Variants in SGCZ observed in about 807,000 individuals in gnomAD.
SGCZ encodes sarcoglycan zeta, also known as zeta-sarcoglycan.
A neutral mutation model predicts 41.3 loss-of-function variants in SGCZ; 40 were observed. The observed-to-expected ratio is 0.97, with a 90% CI of 0.75 to 1.26. The LOEUF (loss-of-function observed/expected upper bound fraction) is 1.26, where lower values mean the gene tolerates loss of function less well. Among genes scored for constraint, SGCZ ranks in the 50% most tolerant of loss-of-function variants. The pLI, the probability that SGCZ is intolerant of heterozygous loss-of-function variation, is 0.00. For missense variants in SGCZ, 552 were observed against 369.8 expected (o/e 1.49, Z -4.04); for synonymous variants, 206 against 137.5 (o/e 1.50, Z -3.49).
chr8:14,126,569 C>T (rs1305664852), intron 5 of SGCZ, among the ~76,000 whole-genome samples: 1 of 152,204 alleles, frequency 6.6e-6, no homozygotes, highest in Non-Finnish European at 1.5e-5. Flanking sequence ...TTGTGGCAGA[C>T]AGTGTAGCAT....
chr8:15,157,246 C>T (rs778352420), intron 1 of SGCZ, among the ~76,000 whole-genome samples: 34 of 151,482 alleles, frequency 2.2e-4, no homozygotes, highest in Non-Finnish European at 3.4e-4. Context: ...ATAAAAGTAG[C>T]GCATGGCTAG....
intron 1 of SGCZ, among the ~76,000 whole-genome samples, chr8:14,658,492 C>T (rs1466573164): frequency 6.6e-6 from 1 of 151,916 alleles, no homozygotes; most frequent in African/African-American, 2.4e-5. Context: ...ATAAGATGCG[C>T]AGCCTCCAAG....
At chr8:14,280,926 C>G (rs1585314979) in intron 3 of SGCZ, among the ~76,000 whole-genome samples, 2 of 129,704 alleles carry the variant, frequency 1.5e-5, no homozygotes, top group East Asian at 4.5e-4. Flanking sequence ...GGTCATCAAA[C>G]TACCGGGTGA....
chr8:14,638,411 T>C (rs1383158300), intron 1 of SGCZ, among the ~76,000 whole-genome samples: 1 of 151,882 alleles, frequency 6.6e-6, no homozygotes, highest in Non-Finnish European at 1.5e-5. Flanking sequence ...TCTCAATGTC[T>C]CCCAGTATAA....
At chr8:14,174,379 C>A (rs4551355) in intron 4 of SGCZ, among the ~76,000 whole-genome samples, 151,411 of 152,256 alleles carry the variant, frequency 0.99, 75,293 homozygotes, top group East Asian at 1. Context: ...AAACAATTTT[C>A]TGGAGAAGAA....
rs1004389846 is a variant in SGCZ at position 15,030,535 on chromosome 8, G to A, written c.39+207050C>T. 1.6e-4 allele frequency among the ~76,000 whole-genome samples: 25 copies of A among 152,216 alleles called. 1 individual carries two copies. The highest frequency in any genetic ancestry group is 1.3e-3 in the Admixed American group (20 of 15,292). ...TTCAAAGGACTTAGAGGATGTGGAAGAAACCATGAGAAGAGCTGTAAATGC... is the reference window on the plus strand; with the variant it reads ...TTCAAAGGACTTAGAGGATGTGGAAAAAACCATGAGAAGAGCTGTAAATGC... On this transcript the variant is annotated intron_variant, in intron 1 of 7. Transcript: ENST00000382080.
chr8:14,807,234 A>G (rs912559491), intron 1 of SGCZ, among the ~76,000 whole-genome samples: 2 of 152,116 alleles, frequency 1.3e-5, no homozygotes, highest in African/African-American at 4.8e-5. Flanking sequence ...GGCCAGGGCA[A>G]TTAGGCAGGA....
intron 2 of SGCZ, among the ~76,000 whole-genome samples, chr8:14,533,840 A>C (rs1803212043): frequency 6.6e-6 from 1 of 152,060 alleles, no homozygotes; most frequent in Admixed American, 6.6e-5. Flanking sequence ...TTTCTGGGTA[A>C]GATAGGGTTA....
intron 1 of SGCZ, among the ~76,000 whole-genome samples, chr8:15,112,449 A>T (rs1198233428): frequency 1.3e-5 from 2 of 152,206 alleles, no homozygotes; most frequent in African/African-American, 4.8e-5. Context: ...AATAGCTTTG[A>T]TCTTATGCTT....
intron 1 of SGCZ, among the ~76,000 whole-genome samples, chr8:15,125,639 A>T (rs941974375): frequency 2.6e-5 from 4 of 152,142 alleles, no homozygotes; most frequent in African/African-American, 9.7e-5. Flanking sequence ...AATATATCTC[A>T]ATGATTAGAT....
At chr8:14,646,353 G>A (rs1332918251) in intron 1 of SGCZ, among the ~76,000 whole-genome samples, 4 of 151,556 alleles carry the variant, frequency 2.6e-5, no homozygotes, top group Non-Finnish European at 5.9e-5. Flanking sequence ...GACTCCAGCT[G>A]CATCCATGTT....
intron 2 of SGCZ, among the ~76,000 whole-genome samples, chr8:14,342,465 G>T (rs570991187): frequency 6.6e-6 from 1 of 151,978 alleles, no homozygotes; most frequent in Non-Finnish European, 1.5e-5. Context: ...ACAGGTGCCC[G>T]CCATCACGCC....
At chr8:15,236,190 A>G (rs1418231970) in intron 1 of SGCZ, among the ~76,000 whole-genome samples, 1 of 152,152 alleles carries the variant, frequency 6.6e-6, no homozygotes. Flanking sequence ...CCTGGACTGC[A>G]TCTACAGTCA....
intron 1 of SGCZ, among the ~76,000 whole-genome samples, chr8:15,139,238 C>T (rs1808229635): frequency 6.6e-6 from 1 of 152,196 alleles, no homozygotes; most frequent in Non-Finnish European, 1.5e-5. Context: ...ATCCTCAGTG[C>T]TTCCAAAATT....
chr8:15,186,589 T>C (rs540978952), intron 1 of SGCZ, among the ~76,000 whole-genome samples: 49 of 152,308 alleles, frequency 3.2e-4, no homozygotes, highest in African/African-American at 1.1e-3. Context: ...TTGATTCCCA[T>C]ATCATAATTT....
At chr8:14,602,075 G>T (rs913526092) in intron 1 of SGCZ, among the ~76,000 whole-genome samples, 9 of 152,102 alleles carry the variant, frequency 5.9e-5, no homozygotes, top group African/African-American at 2.2e-4. Context: ...AGCCGAGATT[G>T]CGCCACTGCA....
chr8:14,475,971 C>G (rs1428464776), intron 2 of SGCZ, among the ~76,000 whole-genome samples: 1 of 151,654 alleles, frequency 6.6e-6, no homozygotes, highest in East Asian at 1.9e-4. Flanking sequence ...GCCACCATGC[C>G]TAGCTATTTT....
chr8:14,172,212 C>T (rs1030051427), intron 4 of SGCZ, among the ~76,000 whole-genome samples: 1 of 152,076 alleles, frequency 6.6e-6, no homozygotes, highest in African/African-American at 2.4e-5. Flanking sequence ...TGTTCATGCC[C>T]ATTTCCAGCA....
At chr8:15,222,444 GAA>G (rs78163653) in intron 1 of SGCZ, among the ~76,000 whole-genome samples, 1 of 149,378 alleles carries the variant, frequency 6.7e-6, no homozygotes, top group Admixed American at 6.7e-5. Context: ...TCCTGCCTAT[GAA>G]AAAAAAACAC....
Sources: gnomAD v4.1 joint callset for allele counts (sites outside exome capture counted in the v4.1 genomes callset) on GRCh38, gnomAD v4.1.1 for gene constraint, MANE v1.5 for transcripts, NCBI Gene and HGNC (gene_info 2026-07-23, HGNC 2026-07-21) for gene names.